MAX: variants seen among roughly 807,000 people sequenced by gnomAD.
MAX encodes the protein protein max.
Under a neutral mutation model 22.3 loss-of-function variants are expected in MAX, and 3 were observed. The observed-to-expected ratio is 0.13, with a 90% confidence interval of 0.06 to 0.35. MAX has a LOEUF of 0.35. Among genes scored for constraint, MAX ranks in the 10% least tolerant of loss-of-function variants. MAX has a pLI of 1.00. For synonymous variants in MAX, 72 were observed against 77.7 expected, an observed-to-expected ratio of 0.93 and a Z score of 0.39; for missense variants, 119 against 209.4, an observed-to-expected ratio of 0.57 and a Z score of 2.66.
rs879821413 is a variant in MAX at position 65,062,063 on chromosome 14, C to G, written c.171+31645G>C. The G allele has an allele frequency of 4.6e-5, 7 of 152,576 alleles. No individual in the cohort carries two copies. Among genetic ancestry groups the G allele is most frequent in the African/African-American group, 9.6e-5 (4 of 41,476 alleles). The allele number at this position is 152,576 out of a possible 1,614,324, so 9.5% of individuals were successfully genotyped here. ...AGTTCAACTGTGCCAGAGGAAACAG[C>G]CCTCCAGTGCCCACCTGCCTCACTC... On this transcript the variant is annotated intron_variant, in intron 3 of 3. Transcript: ENST00000341653. This position sits in a 1 kb window ranked among gnomAD's most constrained non-coding sequence, Gnocchi z 4.3.
downstream of MAX, among the ~76,000 whole-genome samples, chr14:65,072,324 T>C (rs1255643869): frequency 6.6e-6 from 1 of 152,136 alleles, no homozygotes; most frequent in Non-Finnish European, 1.5e-5. Context: ...TTCTTCCTTC[T>C]CAAGTTTAAA....
chr14:65,049,775 A>G (rs949208192), intron 3 of MAX, among the ~76,000 whole-genome samples: 2 of 152,128 alleles, frequency 1.3e-5, no homozygotes, highest in African/African-American at 4.8e-5. Flanking sequence ...AGTTTAATAA[A>G]TATGCTTTTT....
In MAX at chr14:65,031,271, A is replaced by C. The variant is rs1266629329; in HGVS notation, c.172-24987T>G. Among the ~76,000 whole-genome samples, 1 of 151,930 alleles carries C rather than the reference A, an allele frequency of 6.6e-6. No homozygotes were observed. The highest frequency in any genetic ancestry group is 1.5e-5 in the Non-Finnish European group (1 of 67,982). ...TGCCCCGAGAAGAATTAGGGCTGGGAGGATGGAACAGCAAGAATGATCCTA... is the reference window on the plus strand; with the variant it reads ...TGCCCCGAGAAGAATTAGGGCTGGGCGGATGGAACAGCAAGAATGATCCTA... On this transcript the variant is annotated intron_variant, in intron 3 of 3. Coordinates refer to the MAX transcript ENST00000341653. The surrounding 1 kb of genome is among the most constrained non-coding windows in gnomAD (Gnocchi z 4.6).
chr14:65,101,527 T>TG lies in MAX; in HGVS notation c.63+18dup. 6.2e-7 allele frequency: 1 copy of TG among 1,603,042 alleles called. No homozygotes were observed. Among genetic ancestry groups the TG allele is most frequent in the Non-Finnish European group, 8.5e-7 (1 of 1,171,918 alleles). ...GAACTGAACGGAAATAAAAATGAAA[T>TG]GGAGAGTAGGAGACGTACCGCAGAT... On this transcript the variant is annotated intron_variant, in intron 2 of 4. Coordinates refer to ENST00000358664, the MANE Select transcript of MAX (RefSeq NM_002382.5).
At chr14:65,100,730 CTGTG>C (rs1878676801) in intron 2 of MAX, among the ~76,000 whole-genome samples, 1 of 152,166 alleles carries the variant, frequency 6.6e-6, no homozygotes, top group Admixed American at 6.5e-5. Flanking sequence ...CTGATTTATT[CTGTG>C]TGTATTCTTT....
At chr14:65,074,201 A>G (rs2063015746), downstream of MAX, among the ~76,000 whole-genome samples, 1 of 152,232 alleles carries the variant, frequency 6.6e-6, no homozygotes, top group Admixed American at 6.5e-5. Context: ...AAAAGAGGAA[A>G]GCATGTTAAC....
At position 65,084,987 on chromosome 14, in the gene MAX, G is replaced by C. The variant is rs1318404504; in HGVS notation, c.172-6951C>G. On this transcript the variant is annotated intron_variant, in intron 3 of 4. Coordinates refer to ENST00000358664, the MANE Select transcript of MAX (RefSeq NM_002382.5). The surrounding 1 kb of genome is among the most constrained non-coding windows in gnomAD (Gnocchi z 4.3). ...TTAAATGGGGCAGGGGGGGTACGGAGAGTCTATTTTTGGATTATACTATCT... is the reference window on the plus strand; with the variant it reads ...TTAAATGGGGCAGGGGGGGTACGGACAGTCTATTTTTGGATTATACTATCT... Among the ~76,000 whole-genome samples the C allele has an allele frequency of 2.0e-5, 3 of 152,100 alleles. No homozygotes were observed. The highest frequency in any genetic ancestry group is 4.4e-5 in the Non-Finnish European group (3 of 68,028).
In MAX at chr14:65,093,947, G is replaced by A. The variant is rs903571495; in HGVS notation, c.64-132C>T. The stretch of plus-strand genomic sequence containing the variant: ...GAGTGGACTGGGAAGGATTTCTCGA[G>A]GTGGGCAGTTAGGAGTCTCCAGAAT... On this transcript the variant is annotated intron_variant, in intron 2 of 4. Coordinates refer to ENST00000358664, the MANE Select transcript of MAX (RefSeq NM_002382.5). This position sits in a 1 kb window ranked among gnomAD's most constrained non-coding sequence, Gnocchi z 4.4. 1.4e-6 allele frequency: 1 copy of A among 720,132 alleles called. No individual in the cohort carries two copies. Among genetic ancestry groups the A allele is most frequent in the Admixed American group, 2.0e-5 (1 of 50,714 alleles). The allele number at this position is 720,132 out of a possible 1,614,324, so 44.6% of individuals were successfully genotyped here. A position where few individuals can be genotyped will look rare whatever the true frequency, so the allele number is the denominator to read the frequency against.
In MAX at chr14:65,049,125, T is replaced by TA. The variant is rs59771962; in HGVS notation, c.172-42842dup. Among the ~76,000 whole-genome samples the TA allele has an allele frequency of 1.9e-3, 265 of 139,742 alleles. 5 individuals are homozygous for TA. The South Asian group carries it at 0.04, about 21-fold the overall frequency. 91.7% of individuals were successfully genotyped at this position (139,742 alleles called of 152,430 possible). A position where few individuals can be genotyped will look rare whatever the true frequency, so the allele number is the denominator to read the frequency against. ...CTGGGTAACAGGGCAGGACTCCGTC[T>TA]AAAAAAAAAAAAAAAAGGCTTAAGA... On this transcript the variant is annotated intron_variant, in intron 3 of 3. Coordinates refer to the MAX transcript ENST00000341653.
Position 65,084,436 on chromosome 14 carries a change from A to G in MAX, c.172-6400T>C. The G allele has an allele frequency of 3.1e-6, 2 of 646,664 alleles. No individual in the cohort carries two copies. Among genetic ancestry groups the G allele is most frequent in the Non-Finnish European group, 5.6e-6 (2 of 359,818 alleles). 40.1% of individuals were successfully genotyped at this position (646,664 alleles called of 1,614,324 possible). A position where few individuals can be genotyped will look rare whatever the true frequency, so the allele number is the denominator to read the frequency against. On this transcript the variant is annotated intron_variant, in intron 3 of 4. Transcript: ENST00000358664. This position sits in a 1 kb window ranked among gnomAD's most constrained non-coding sequence, Gnocchi z 4.3. ...CAGTGATAATGAAACTGGTACTCTC[A>G]AAACACTACCAAAAGACTACTCTTT...
chr14:65,027,529 G>A lies in MAX; in HGVS notation c.172-21245C>T. 1 of 1,614,208 alleles carries A rather than the reference G, an allele frequency of 6.2e-7. No homozygotes were observed. Among genetic ancestry groups the A allele is most frequent in the Non-Finnish European group, 8.5e-7 (1 of 1,180,052 alleles). On this transcript the variant is annotated intron_variant, in intron 3 of 3. Coordinates refer to the MAX transcript ENST00000341653. The surrounding 1 kb of genome is among the most constrained non-coding windows in gnomAD (Gnocchi z 5.7). ...AGGACCCGGTCAGTATCCACACCTT[G>A]CACCCACATATGCAGCAGTCAATGC... is the stretch of plus-strand genomic sequence containing the variant.
In MAX at chr14:65,047,470, G is replaced by A. The variant is rs2062510392; in HGVS notation, c.172-41186C>T. On this transcript the variant is annotated intron_variant, in intron 3 of 3. Transcript: ENST00000341653. The surrounding 1 kb of genome is among the most constrained non-coding windows in gnomAD (Gnocchi z 5.2). ...AAAAGAAATGCTAATCAAAAGAGTGGCACTATTTGTTTTTATTATTGGATT... is the reference window on the plus strand; with the variant it reads ...AAAAGAAATGCTAATCAAAAGAGTGACACTATTTGTTTTTATTATTGGATT... Among the ~76,000 whole-genome samples the A allele has an allele frequency of 6.6e-6, 1 of 152,146 alleles. No individual in the cohort carries two copies. Among genetic ancestry groups the A allele is most frequent in the Non-Finnish European group, 1.5e-5 (1 of 68,004 alleles).
At chr14:65,049,498 T>G (rs1394590130) in intron 3 of MAX, among the ~76,000 whole-genome samples, 1 of 152,198 alleles carries the variant, frequency 6.6e-6, no homozygotes, top group Non-Finnish European at 1.5e-5. Context: ...TCTGCTTTCA[T>G]CTTGTTGTGA....
At chr14:65,043,498 AAGTC>A (rs1403651430) in intron 3 of MAX, among the ~76,000 whole-genome samples, 1 of 152,184 alleles carries the variant, frequency 6.6e-6, no homozygotes, top group African/African-American at 2.4e-5. Flanking sequence ...TGCCAAGTAA[AAGTC>A]AGGAGCAGTT....
chr14:65,089,431 TAAC>T (rs2139841216), intron 3 of MAX, among the ~76,000 whole-genome samples: 1 of 152,198 alleles, frequency 6.6e-6, no homozygotes, highest in South Asian at 2.1e-4. Context: ...ATGAGTTTGA[TAAC>T]AACAGGCACT....
At position 65,101,497 on chromosome 14, in the gene MAX, G is replaced by A. The variant is rs2781373; in HGVS notation, c.63+49C>T. The A allele has an allele frequency of 0.41, 616,862 of 1,519,566 alleles. 133,107 individuals carry two copies. Among genetic ancestry groups the A allele is most frequent in the African/African-American group, 0.78 (56,411 of 72,400 alleles). The allele number at this position is 1,519,566 out of a possible 1,614,324, so 94.1% of individuals were successfully genotyped here. On this transcript the variant is annotated intron_variant, in intron 2 of 4. Coordinates refer to ENST00000358664, the MANE Select transcript of MAX (RefSeq NM_002382.5). ...TCTTTTTCTCTCTGACCCCAAAAAG[G>A]AATAGAACTGAACGGAAATAAAAAT...
intron 3 of MAX, among the ~76,000 whole-genome samples, chr14:65,051,463 T>G (rs1375566803): frequency 2.0e-5 from 3 of 151,674 alleles, no homozygotes; most frequent in East Asian, 1.9e-4. Flanking sequence ...ATACAAGAAT[T>G]AGCCAGGCAT....
At chr14:65,045,912 T>G (rs1163896350) in intron 3 of MAX, among the ~76,000 whole-genome samples, 1 of 152,218 alleles carries the variant, frequency 6.6e-6, no homozygotes, top group African/African-American at 2.4e-5. Flanking sequence ...GTGCACTGAC[T>G]TTGGAGCCTG....
intron 3 of MAX, chr14:65,015,536 C>A: frequency 7.2e-7 from 1 of 1,386,096 alleles, no homozygotes; most frequent in Non-Finnish European, 1.0e-6. Context: ...CCTTGCCAGG[C>A]TGCTGGGAGT....
Sources: allele counts gnomAD v4.1 joint callset (sites outside exome capture counted in the v4.1 genomes callset), GRCh38; gene constraint gnomAD v4.1.1; non-coding constraint Gnocchi (gnomAD v3.1); transcripts MANE v1.5; gene names NCBI Gene and HGNC (gene_info 2026-07-23, HGNC 2026-07-21).